Variants in CSMD1 observed in about 807,000 individuals in gnomAD.
CSMD1 encodes CUB and sushi domain-containing protein 1.
In CSMD1, 213 loss-of-function variants were observed where a neutral mutation model predicts 417.5. The observed-to-expected ratio is 0.51, with a 90% CI of 0.46 to 0.57. The LOEUF (loss-of-function observed/expected upper bound fraction) is 0.57, where lower values mean the gene tolerates loss of function less well. CSMD1 is among the 20% of genes least tolerant of loss of function. The pLI is 0.00. For synonymous variants in CSMD1, 2,862 were observed against 1,736.8 expected (o/e 1.65, Z -16.11); for missense variants, 6,923 against 4,529.7 (o/e 1.53, Z -15.17).
intron 2 of CSMD1, among the ~76,000 whole-genome samples, chr8:4,461,269 T>A (rs1308890396): frequency 2.0e-5 from 3 of 152,154 alleles, no homozygotes; most frequent in Non-Finnish European, 4.4e-5. Context: ...AGCCTACAGT[T>A]AACATTGTAT....
chr8:3,559,475 T>C (rs553240633), intron 10 of CSMD1, among the ~76,000 whole-genome samples: 306 of 152,152 alleles, frequency 2.0e-3, no homozygotes, highest in Non-Finnish European at 2.8e-3. Context: ...GAACATCATC[T>C]AAAATTTAAA....
At chr8:4,724,444 T>C (rs1213562318) in intron 1 of CSMD1, among the ~76,000 whole-genome samples, 1 of 151,982 alleles carries the variant, frequency 6.6e-6, no homozygotes, top group African/African-American at 2.4e-5. Context: ...CAGATTCAAA[T>C]ATAATATTTA....
At chr8:3,038,536 T>C (rs919304831) in intron 50 of CSMD1, among the ~76,000 whole-genome samples, 4 of 152,326 alleles carry the variant, frequency 2.6e-5, no homozygotes, top group Middle Eastern at 3.4e-3. Context: ...CCTTAAAATT[T>C]TTCTTGTGGT....
At chr8:3,994,481 T>C (rs902701888) in intron 5 of CSMD1, among the ~76,000 whole-genome samples, 4 of 148,108 alleles carry the variant, frequency 2.7e-5, no homozygotes. Context: ...ACTTGGCTAG[T>C]CTCACCACTA....
At chr8:4,269,885 T>C (rs1163302011) in intron 3 of CSMD1, among the ~76,000 whole-genome samples, 1 of 152,150 alleles carries the variant, frequency 6.6e-6, no homozygotes, top group Non-Finnish European at 1.5e-5. Context: ...TTACTGGAGT[T>C]TATATTACAG....
In CSMD1 at chr8:4,054,390, G is replaced by A. The variant is rs931467792; in HGVS notation, c.416-22291C>T. ...CATCCCATATAGGGGATGGCCGCCC[G>A]AGCCATCTACCCTAGCTAGGCACCC... On this transcript the variant is annotated intron_variant, in intron 3 of 69. Transcript: ENST00000635120. 3.9e-5 allele frequency among the ~76,000 whole-genome samples: 6 copies of A among 152,060 alleles called. 1 individual carries two copies. The South Asian group carries it at 6.2e-4, about 16-fold the overall frequency.
chr8:4,498,933 A>C (rs1802114126), intron 2 of CSMD1, among the ~76,000 whole-genome samples: 2 of 152,196 alleles, frequency 1.3e-5, no homozygotes, highest in African/African-American at 4.8e-5. Flanking sequence ...CATTACATAC[A>C]CATGGCCAGT....
intron 3 of CSMD1, among the ~76,000 whole-genome samples, chr8:4,385,817 AT>A (rs1397776913): frequency 1.3e-5 from 2 of 152,184 alleles, no homozygotes; most frequent in Non-Finnish European, 2.9e-5. Context: ...TAGCTTAAAA[AT>A]TATTTTGTGT....
chr8:3,914,767 T>A (rs1808702705), intron 5 of CSMD1, among the ~76,000 whole-genome samples: 2 of 152,090 alleles, frequency 1.3e-5, no homozygotes, highest in South Asian at 4.2e-4. Context: ...TGCTCATTCT[T>A]CATTTTTACC....
intron 42 of CSMD1, among the ~76,000 whole-genome samples, chr8:3,112,648 G>A (rs983299373): frequency 6.6e-6 from 1 of 152,176 alleles, no homozygotes; most frequent in African/African-American, 2.4e-5. Context: ...GCCTGGGATG[G>A]AGATGCCATA....
At chr8:4,527,893 A>C (rs1348467719) in intron 2 of CSMD1, among the ~76,000 whole-genome samples, 1 of 152,146 alleles carries the variant, frequency 6.6e-6, no homozygotes, top group East Asian at 1.9e-4. Flanking sequence ...TAACAGGGGA[A>C]GATAAGGCAA....
Position 4,791,066 on chromosome 8 carries a change from G to A in CSMD1, c.86-153508C>T, listed in dbSNP as rs567763843. Reference sequence around the variant, plus strand: ...GGAAACACAAGCTAGTAGGGAGAGAGACGGTGAGAGAGACGGTGAGAGAGA... The same window carrying A: ...GGAAACACAAGCTAGTAGGGAGAGAAACGGTGAGAGAGACGGTGAGAGAGA... On this transcript the variant is annotated intron_variant, in intron 1 of 69. Coordinates refer to ENST00000635120, the MANE Select transcript of CSMD1 (RefSeq NM_033225.6). Among the ~76,000 whole-genome samples, 14 of 118,420 alleles carry A rather than the reference G, an allele frequency of 1.2e-4. 1 individual carries two copies. The highest frequency in any genetic ancestry group is 8.5e-4 in the Admixed American group (10 of 11,814). The allele number at this position is 118,420 out of a possible 152,430, so 77.7% of individuals were successfully genotyped here. A position where few individuals can be genotyped will look rare whatever the true frequency, so the allele number is the denominator to read the frequency against.
At chr8:4,421,549 A>G (rs1340960744) in intron 2 of CSMD1, among the ~76,000 whole-genome samples, 2 of 152,048 alleles carry the variant, frequency 1.3e-5, no homozygotes, top group African/African-American at 2.4e-5. Context: ...AAAAATATCT[A>G]ATTACTTGGA....
chr8:4,974,531 G>C (rs1810433632), intron 1 of CSMD1, among the ~76,000 whole-genome samples: 1 of 151,766 alleles, frequency 6.6e-6, no homozygotes, highest in Non-Finnish European at 1.5e-5. Context: ...ATAATAACGT[G>C]AGAGTTAGTT....
chr8:4,873,309 C>A (rs760775108), intron 1 of CSMD1, among the ~76,000 whole-genome samples: 3 of 152,028 alleles, frequency 2.0e-5, no homozygotes, highest in Non-Finnish European at 4.4e-5. Flanking sequence ...AATTCACATT[C>A]GTAGACCCAT....
chr8:4,588,183 C>G (rs973914471), intron 2 of CSMD1, among the ~76,000 whole-genome samples: 17 of 151,984 alleles, frequency 1.1e-4, no homozygotes, highest in Non-Finnish European at 1.5e-4. Context: ...CAAACATTTT[C>G]TTAGGCATAT....
At chr8:4,035,144 C>T (rs192985736) in intron 3 of CSMD1, among the ~76,000 whole-genome samples, 134 of 151,914 alleles carry the variant, frequency 8.8e-4, no homozygotes, top group Admixed American at 6.6e-5. Context: ...TCATATACAA[C>T]ATCGGTCCCA....
chr8:3,005,887 C>G (rs1807846169), intron 52 of CSMD1, among the ~76,000 whole-genome samples: 1 of 152,152 alleles, frequency 6.6e-6, no homozygotes, highest in South Asian at 2.1e-4. Flanking sequence ...TCTCTCACCA[C>G]TCCTATTCAA....
chr8:3,274,818 G>A (rs1262672493), intron 26 of CSMD1, among the ~76,000 whole-genome samples: 1 of 152,096 alleles, frequency 6.6e-6, no homozygotes, highest in South Asian at 2.1e-4. Context: ...GAGCCTATGT[G>A]TGTCTGTACC....
Sources: gnomAD v4.1 joint callset for allele counts (sites outside exome capture counted in the v4.1 genomes callset) on GRCh38, gnomAD v4.1.1 for gene constraint, MANE v1.5 for transcripts, NCBI Gene and HGNC (gene_info 2026-07-23, HGNC 2026-07-21) for gene names.